The following MARCHF3 variants were observed in gnomAD, a reference collection of about 807,000 sequenced individuals.
The protein encoded by MARCHF3 is membrane associated ring-CH-type finger 3, also known as E3 ubiquitin-protein ligase MARCHF3.
A neutral mutation model predicts 24.2 loss-of-function variants in MARCHF3; 13 were observed. The ratio of observed to expected loss-of-function variants is 0.54; its 90% CI spans 0.35 to 0.85. MARCHF3 has a LOEUF of 0.85. MARCHF3 is among the 40% of genes least tolerant of loss of function. The pLI is 0.01. For missense variants in MARCHF3, 276 were observed against 325.0 expected, an observed-to-expected ratio of 0.85 and a Z score of 1.16; for synonymous variants, 144 against 137.3, an observed-to-expected ratio of 1.05 and a Z score of -0.34.
At chr5:127,002,679 A>G (rs1044091319) in intron 1 of MARCHF3, among the ~76,000 whole-genome samples, 12 of 152,332 alleles carry the variant, frequency 7.9e-5, no homozygotes, top group African/African-American at 2.6e-4. Flanking sequence ...TCAACAAGCC[A>G]TTTTCCAGAG....
chr5:126,922,547 T>TATTA (rs1749147410), intron 1 of MARCHF3, among the ~76,000 whole-genome samples: 1 of 149,996 alleles, frequency 6.7e-6, no homozygotes, highest in African/African-American at 2.5e-5. Flanking sequence ...TTTATTTATT[T>TATTA]ATTTATTATT....
chr5:126,895,570 A>C (rs1276807779), intron 3 of MARCHF3, among the ~76,000 whole-genome samples: 23 of 152,094 alleles, frequency 1.5e-4, no homozygotes, highest in African/African-American at 4.3e-4. Context: ...AATACCCTGC[A>C]GTGTGAGGTG....
At chr5:126,917,872 T>C in intron 2 of MARCHF3, 112 bp downstream of exon 2, 1 of 1,050,792 alleles carries the variant, frequency 9.5e-7, no homozygotes, top group South Asian at 1.9e-5. Flanking sequence ...CAGCACCTCC[T>C]CTCACCTGAC....
At chr5:126,915,903 A>T (rs1754712643) in intron 2 of MARCHF3, among the ~76,000 whole-genome samples, 1 of 152,204 alleles carries the variant, frequency 6.6e-6, no homozygotes, top group African/African-American at 2.4e-5. Flanking sequence ...GCTGTCTATT[A>T]CCTGGATAAC....
At chr5:126,962,706 C>T (rs1416483556) in intron 1 of MARCHF3, among the ~76,000 whole-genome samples, 1 of 151,914 alleles carries the variant, frequency 6.6e-6, no homozygotes, top group African/African-American at 2.4e-5. Flanking sequence ...ACTTAGGTCT[C>T]ATCCCCAAGA....
chr5:126,891,310 A>T (rs1279845931), intron 3 of MARCHF3, among the ~76,000 whole-genome samples: 1 of 144,888 alleles, frequency 6.9e-6, no homozygotes, highest in East Asian at 2.1e-4. Context: ...CCATTTGTCA[A>T]TTTTGGCTTT....
intron 1 of MARCHF3, among the ~76,000 whole-genome samples, chr5:126,965,940 GAAACAACAGGTGAATGGATA>G (rs1303914619): frequency 6.6e-6 from 1 of 152,188 alleles, no homozygotes; most frequent in African/African-American, 2.4e-5. Context: ...CATGCAAACA[GAAACAACAGGTGAATGGATA>G]AATAATTTGT....
intron 1 of MARCHF3, among the ~76,000 whole-genome samples, chr5:126,927,659 C>T (rs1212970386): frequency 6.6e-6 from 1 of 152,200 alleles, no homozygotes; most frequent in African/African-American, 2.4e-5. Flanking sequence ...ATGCTGTCTC[C>T]ACAATCCTCC....
intron 1 of MARCHF3, among the ~76,000 whole-genome samples, chr5:126,951,808 T>G (rs150124502): frequency 6.6e-6 from 1 of 152,188 alleles, no homozygotes; most frequent in South Asian, 2.1e-4. Context: ...TTTGAGTTCT[T>G]TGGACATTTT....
chr5:126,879,565 T>G (rs1298100758), intron 3 of MARCHF3, among the ~76,000 whole-genome samples: 1 of 152,186 alleles, frequency 6.6e-6, no homozygotes. Context: ...GTTAGGAAAA[T>G]AGGATGGCTG....
chr5:127,006,176 C>T (rs771622461), intron 1 of MARCHF3, among the ~76,000 whole-genome samples: 1 of 146,798 alleles, frequency 6.8e-6, no homozygotes, highest in Non-Finnish European at 1.5e-5. Context: ...GGACTCCAGC[C>T]TGGGAGACAC....
At chr5:126,957,499 A>G (rs889030857) in intron 1 of MARCHF3, among the ~76,000 whole-genome samples, 7 of 152,026 alleles carry the variant, frequency 4.6e-5, no homozygotes, top group African/African-American at 1.7e-4. Context: ...TCCATTTGTA[A>G]TTTATTTTGG....
chr5:126,878,524 G>C, intron 3 of MARCHF3, 130 bp from the exon 4 acceptor site: 6 of 794,488 alleles, frequency 7.6e-6, no homozygotes, highest in Non-Finnish European at 1.2e-5. Context: ...CTTGTTATGA[G>C]ATAACAAGGA....
chr5:127,010,404 C>T (rs1752437661), intron 1 of MARCHF3, among the ~76,000 whole-genome samples: 1 of 152,180 alleles, frequency 6.6e-6, no homozygotes, highest in Non-Finnish European at 1.5e-5. Context: ...ACTCACATTC[C>T]CTGACAGAAG....
At chr5:126,992,766 A>ATTTTTTTTT (rs757479478) in intron 1 of MARCHF3, among the ~76,000 whole-genome samples, 10 of 95,504 alleles carry the variant, frequency 1.0e-4, no homozygotes, top group East Asian at 3.3e-4. Context: ...CATCCACGTG[A>ATTTTTTTTT]TTTTTTTTTT....
chr5:127,003,089 A>C (rs994244954), intron 1 of MARCHF3, among the ~76,000 whole-genome samples: 8 of 152,028 alleles, frequency 5.3e-5, no homozygotes, highest in African/African-American at 1.9e-4. Context: ...CCCAGCATTC[A>C]CAAAACACTT....
intron 1 of MARCHF3, among the ~76,000 whole-genome samples, chr5:126,958,427 A>T (rs1750522323): frequency 6.6e-6 from 1 of 152,152 alleles, no homozygotes; most frequent in Admixed American, 6.6e-5. Context: ...TCTTGAATTA[A>T]AGCTTTTTCT....
chr5:126,942,851 T>C (rs1749879981), intron 1 of MARCHF3, among the ~76,000 whole-genome samples: 1 of 152,226 alleles, frequency 6.6e-6, no homozygotes, highest in African/African-American at 2.4e-5. Context: ...CTCAAATAGC[T>C]AGATAGCCCT....
chr5:126,907,513 G>A (rs1415060256), intron 3 of MARCHF3, among the ~76,000 whole-genome samples: 4 of 151,926 alleles, frequency 2.6e-5, no homozygotes, highest in South Asian at 4.2e-4. Context: ...TGTATTGGGT[G>A]CATATATATA....
Sources: allele counts gnomAD v4.1 joint callset (sites outside exome capture counted in the v4.1 genomes callset), GRCh38; gene constraint gnomAD v4.1.1; transcripts MANE v1.5; gene names NCBI Gene and HGNC (gene_info 2026-07-23, HGNC 2026-07-21).